The following TP63 variants were observed in gnomAD, a reference collection of about 807,000 sequenced individuals.
TP63 encodes tumor protein p63.
A neutral mutation model predicts 82.8 loss-of-function variants in TP63; 17 were observed. That is an observed-to-expected ratio of 0.21 (90% CI 0.14 to 0.31). The LOEUF is 0.31. Ranked by LOEUF, TP63 falls within the 10% of genes least tolerant of loss-of-function variation. TP63 has a pLI of 1.00. For synonymous variants in TP63, 330 were observed against 321.7 expected (o/e 1.03, Z -0.28); for missense variants, 648 against 895.3 (o/e 0.72, Z 3.52).
chr3:189,714,119 G>A (rs913148936), intron 1 of TP63, among the ~76,000 whole-genome samples: 1 of 152,120 alleles, frequency 6.6e-6, no homozygotes, highest in Non-Finnish European at 1.5e-5. Context: ...ATCTGTAGAT[G>A]AATTAAAGAC....
chr3:189,827,404 G>A (rs1217017116), intron 4 of TP63, among the ~76,000 whole-genome samples: 1 of 152,116 alleles, frequency 6.6e-6, no homozygotes, highest in Non-Finnish European at 1.5e-5. Context: ...AGAGGCAGTA[G>A]CTTTGACCTT....
rs1052552850 is a variant in TP63, at chr3:189,647,220, C to T, written c.62+15643C>T. Among the ~76,000 whole-genome samples the T allele has an allele frequency of 2.0e-5, 3 of 146,602 alleles. 1 individual carries two copies. Among genetic ancestry groups the T allele is most frequent in the South Asian group, 4.5e-4 (2 of 4,454 alleles). ...GGGTTGCTATAAGTAGATAGCAACACGAATGCTGATGAGGTCCTTCAGTTT... is the reference window on the plus strand; with the variant it reads ...GGGTTGCTATAAGTAGATAGCAACATGAATGCTGATGAGGTCCTTCAGTTT... On this transcript the variant is annotated intron_variant, in intron 1 of 13. Coordinates refer to ENST00000264731, the MANE Select transcript of TP63 (RefSeq NM_003722.5).
chr3:189,726,856 C>A (rs1298211694), intron 1 of TP63, among the ~76,000 whole-genome samples: 1 of 152,172 alleles, frequency 6.6e-6, no homozygotes, highest in East Asian at 1.9e-4. Flanking sequence ...CTTTAAAGGT[C>A]TTTTATGTAC....
intron 3 of TP63, among the ~76,000 whole-genome samples, chr3:189,788,329 A>G (rs1724782795): frequency 6.6e-6 from 1 of 152,078 alleles, no homozygotes; most frequent in Non-Finnish European, 1.5e-5. Context: ...ATATCAGCCA[A>G]TGACCACGTC....
At chr3:189,730,703 A>G (rs1287497524) in intron 1 of TP63, among the ~76,000 whole-genome samples, 1 of 152,144 alleles carries the variant, frequency 6.6e-6, no homozygotes, top group Non-Finnish European at 1.5e-5. Context: ...CAGTTTGATC[A>G]CAGTTGGTGA....
chr3:189,599,857 C>T, the TP63 span, among the ~76,000 whole-genome samples: 6 of 152,154 alleles, frequency 3.9e-5, no homozygotes, highest in African/African-American at 1.4e-4. Flanking sequence ...TTTGATCTTT[C>T]CTCAGCTTTA....
intron 4 of TP63, among the ~76,000 whole-genome samples, chr3:189,813,604 T>G (rs867862475): frequency 2.6e-5 from 4 of 152,248 alleles, no homozygotes; most frequent in Middle Eastern, 3.4e-3. Flanking sequence ...TGTTTTTTTT[T>G]TTGCATTGTT....
intron 4 of TP63, among the ~76,000 whole-genome samples, chr3:189,833,563 C>T (rs1712680276): frequency 6.6e-6 from 1 of 152,174 alleles, no homozygotes; most frequent in African/African-American, 2.4e-5. Flanking sequence ...ACCAATCTGT[C>T]CACGTTGACA....
chr3:189,785,250 G>A (rs773716684), intron 3 of TP63, among the ~76,000 whole-genome samples: 3 of 151,864 alleles, frequency 2.0e-5, no homozygotes, highest in East Asian at 1.9e-4. Flanking sequence ...CTCTGTGTCC[G>A]TCTCATAATA....
chr3:189,669,382 T>C (rs1275901298), intron 1 of TP63, among the ~76,000 whole-genome samples: 1 of 151,490 alleles, frequency 6.6e-6, no homozygotes, highest in Non-Finnish European at 1.5e-5. Flanking sequence ...AAATGTTAAA[T>C]AATTTTCTTC....
At chr3:189,824,920 C>T (rs1184861324) in intron 4 of TP63, among the ~76,000 whole-genome samples, 3 of 151,798 alleles carry the variant, frequency 2.0e-5, no homozygotes, top group Non-Finnish European at 4.4e-5. Flanking sequence ...TATCATCAGA[C>T]AGCAGCATTT....
intron 9 of TP63, among the ~76,000 whole-genome samples, chr3:189,871,164 A>G (rs920769561): frequency 3.3e-5 from 5 of 152,174 alleles, no homozygotes; most frequent in Non-Finnish European, 7.4e-5. Flanking sequence ...TATCCTTCTT[A>G]GTGTCATGTC....
the TP63 span, among the ~76,000 whole-genome samples, chr3:189,598,268 G>T: frequency 1.3e-5 from 2 of 150,348 alleles, no homozygotes; most frequent in African/African-American, 4.9e-5. Context: ...GAGAGGAAGG[G>T]AGAGTAGAGG....
chr3:189,663,167 G>A (rs745546514), intron 1 of TP63, among the ~76,000 whole-genome samples: 15 of 152,194 alleles, frequency 9.9e-5, no homozygotes, highest in Non-Finnish European at 2.1e-4. Context: ...CTTGAAGATG[G>A]TGCTCTGACT....
rs144845889 is a variant in TP63 at position 189,851,386 on chromosome 3, C to A, written c.580-12846C>A. ...ACCAGCCTGGGCAACATGGGGGAAACCCCGTCTCTGCTGAAGAAAAAGAAA... is the reference window on the plus strand; with the variant it reads ...ACCAGCCTGGGCAACATGGGGGAAAACCCGTCTCTGCTGAAGAAAAAGAAA... On this transcript the variant is annotated intron_variant, in intron 4 of 13. Coordinates refer to ENST00000264731, the MANE Select transcript of TP63 (RefSeq NM_003722.5). Among the ~76,000 whole-genome samples the A allele has an allele frequency of 3.5e-4, 53 of 152,168 alleles. No individual in the cohort carries two copies. In the East Asian group the frequency reaches 9.9e-3, roughly 28 times the overall value.
intron 9 of TP63, among the ~76,000 whole-genome samples, 186 bp downstream of exon 9, chr3:189,869,592 C>T (rs955305549): frequency 6.6e-6 from 1 of 152,100 alleles, no homozygotes; most frequent in Admixed American, 6.6e-5. Context: ...TTTCTAGAGT[C>T]TGGAAGTCTG....
At chr3:189,864,501 C>A in intron 5 of TP63, 83 bp downstream of exon 5, 1 of 1,372,342 alleles carries the variant, frequency 7.3e-7, no homozygotes, top group South Asian at 1.4e-5. Context: ...ACCCACCTAC[C>A]TGATTCAGAC....
chr3:189,657,006 T>G (rs928744715), intron 1 of TP63, among the ~76,000 whole-genome samples: 11 of 114,330 alleles, frequency 9.6e-5, no homozygotes, highest in African/African-American at 2.1e-4. Context: ...AAAGAAAAAA[T>G]ATTATGAAGC....
At chr3:189,848,239 T>TTCTGTCTCTCTCTCTC (rs1715150791) in intron 4 of TP63, among the ~76,000 whole-genome samples, 1 of 95,984 alleles carries the variant, frequency 1.0e-5, no homozygotes, top group Non-Finnish European at 2.0e-5. Context: ...CTCCTCCTCC[T>TTCTGTCTCTCTCTCTC]TCTCTCTCTC....
Sources: allele counts gnomAD v4.1 joint callset (sites outside exome capture counted in the v4.1 genomes callset), GRCh38; gene constraint gnomAD v4.1.1; transcripts MANE v1.5; gene names NCBI Gene and HGNC (gene_info 2026-07-23, HGNC 2026-07-21).